Variants in SORCS3 observed in about 807,000 individuals in gnomAD.
The protein encoded by SORCS3 is VPS10 domain-containing receptor SorCS3.
A neutral mutation model predicts 146.3 loss-of-function variants in SORCS3; 57 were observed. The observed-to-expected ratio is 0.39, with a 90% confidence interval of 0.31 to 0.49. SORCS3 has a LOEUF of 0.49. Ranked by LOEUF, SORCS3 falls within the 20% of genes least tolerant of loss-of-function variation. SORCS3 has a pLI of 0.92. For synonymous variants in SORCS3, 653 were observed against 618.5 expected, an observed-to-expected ratio of 1.06 and a Z score of -0.83; for missense variants, 1,341 against 1,575.5, an observed-to-expected ratio of 0.85 and a Z score of 2.52.
intron 3 of SORCS3, among the ~76,000 whole-genome samples, chr10:104,952,686 T>C (rs1368872798): frequency 6.6e-6 from 1 of 152,206 alleles, no homozygotes; most frequent in African/African-American, 2.4e-5. Flanking sequence ...TTCCTTTCTA[T>C]ATCCCTGCTC....
At chr10:105,023,597 G>A (rs560547126) in intron 4 of SORCS3, among the ~76,000 whole-genome samples, 1 of 152,282 alleles carries the variant, frequency 6.6e-6, no homozygotes, top group African/African-American at 2.4e-5. Flanking sequence ...GTCGCAGGCT[G>A]TGCACCATGC....
At chr10:104,720,916 C>T (rs1435326085) in intron 1 of SORCS3, among the ~76,000 whole-genome samples, 1 of 152,094 alleles carries the variant, frequency 6.6e-6, no homozygotes, top group Non-Finnish European at 1.5e-5. Flanking sequence ...TTTTCTCCCA[C>T]TCTGTAGGTT....
In SORCS3 at chr10:105,103,421, A is replaced by G. The variant is rs1334626383; in HGVS notation, c.1094-1976A>G. 3.9e-5 allele frequency among the ~76,000 whole-genome samples: 6 copies of G among 152,216 alleles called. No homozygotes were observed. In the South Asian group the frequency reaches 8.3e-4, roughly 21 times the overall value. Reference sequence around the variant, plus strand: ...AGTGGTTGTTTTGAGGCTGGGAGGTATTAGCCCAGGCTTAGGCTTTAGAGA... The same window carrying G: ...AGTGGTTGTTTTGAGGCTGGGAGGTGTTAGCCCAGGCTTAGGCTTTAGAGA... On this transcript the variant is annotated intron_variant, in intron 6 of 26. Transcript: ENST00000369701.
chr10:104,700,320 A>G (rs1589463532), intron 1 of SORCS3, among the ~76,000 whole-genome samples: 2 of 152,226 alleles, frequency 1.3e-5, no homozygotes, highest in Non-Finnish European at 2.9e-5. Flanking sequence ...AGAGAGGCTC[A>G]GTGTGGTTAT....
intron 1 of SORCS3, among the ~76,000 whole-genome samples, chr10:104,721,108 C>T (rs985437429): frequency 4.6e-5 from 7 of 152,014 alleles, no homozygotes; most frequent in South Asian, 4.1e-4. Flanking sequence ...TGATGGTTTT[C>T]GGTCTAACAT....
At chr10:105,214,288 G>GTCT (rs2056651637) in intron 17 of SORCS3, among the ~76,000 whole-genome samples, 154 bp from the exon 18 acceptor site, 1 of 152,104 alleles carries the variant, frequency 6.6e-6, no homozygotes, top group Non-Finnish European at 1.5e-5. Context: ...GTAAATGACT[G>GTCT]TCTTTTTGAG....
chr10:104,864,303 A>C (rs1263192091), intron 2 of SORCS3, among the ~76,000 whole-genome samples: 1 of 152,124 alleles, frequency 6.6e-6, no homozygotes, highest in Non-Finnish European at 1.5e-5. Context: ...GGGAGAGCTT[A>C]GTGTTATTGC....
chr10:105,048,252 C>A (rs2055387567), intron 5 of SORCS3, among the ~76,000 whole-genome samples: 1 of 150,528 alleles, frequency 6.6e-6, no homozygotes, highest in Non-Finnish European at 1.5e-5. Context: ...TATTGCGGCA[C>A]TATTCACAAT....
intron 5 of SORCS3, among the ~76,000 whole-genome samples, chr10:105,064,423 T>G (rs1057013535): frequency 2.0e-5 from 3 of 152,084 alleles, no homozygotes; most frequent in Non-Finnish European, 2.9e-5. Flanking sequence ...GGGAATTTAT[T>G]AGGGGAATTG....
intron 19 of SORCS3, among the ~76,000 whole-genome samples, chr10:105,221,197 C>A (rs2056700389): frequency 6.6e-6 from 1 of 152,144 alleles, no homozygotes; most frequent in African/African-American, 2.4e-5. Context: ...GCATCCATCC[C>A]CCTCAAGCAT....
At chr10:104,997,445 C>A (rs1283380718) in intron 4 of SORCS3, among the ~76,000 whole-genome samples, 1 of 152,146 alleles carries the variant, frequency 6.6e-6, no homozygotes, top group Non-Finnish European at 1.5e-5. Flanking sequence ...ACATTTCCAT[C>A]AATAATCTGA....
chr10:104,749,733 C>A (rs987681967), intron 1 of SORCS3, among the ~76,000 whole-genome samples: 5 of 152,134 alleles, frequency 3.3e-5, no homozygotes, highest in Admixed American at 2.6e-4. Flanking sequence ...AAAGCCAGTG[C>A]AATGGACAGG....
At chr10:105,231,290 C>A (rs576524076) in intron 20 of SORCS3, among the ~76,000 whole-genome samples, 49 of 152,280 alleles carry the variant, frequency 3.2e-4, no homozygotes, top group Non-Finnish European at 6.5e-4. Flanking sequence ...TCCTTGGTAT[C>A]GTGTTTTTAA....
At chr10:105,082,153 A>C (rs1248565342) in intron 5 of SORCS3, among the ~76,000 whole-genome samples, 4 of 152,234 alleles carry the variant, frequency 2.6e-5, no homozygotes, top group African/African-American at 9.6e-5. Context: ...AACTCAGTAC[A>C]AAGATTTCTC....
intron 9 of SORCS3, among the ~76,000 whole-genome samples, chr10:105,148,792 A>T (rs951224403): frequency 2.0e-5 from 3 of 152,060 alleles, no homozygotes; most frequent in African/African-American, 7.2e-5. Flanking sequence ...TGCCTGTCAA[A>T]ATCCCAGCAG....
rs137910668 is a variant in SORCS3 at position 105,091,901 on chromosome 10, G to T, written c.1093+2062G>T. Among the ~76,000 whole-genome samples the T allele has an allele frequency of 2.4e-3, 367 of 152,234 alleles. 1 individual carries two copies. Among genetic ancestry groups the T allele is most frequent in the Middle Eastern group, 0.01 (3 of 294 alleles). ...AGTTTTCAGGACAACTCTCGCATGG[G>T]TTTTGCCTCCTAAGTCAACCTGTTT... On this transcript the variant is annotated intron_variant, in intron 6 of 26. Coordinates refer to ENST00000369701, the MANE Select transcript of SORCS3 (RefSeq NM_014978.3).
intron 1 of SORCS3, among the ~76,000 whole-genome samples, chr10:104,784,683 G>A (rs987001331): frequency 2.0e-5 from 3 of 152,180 alleles, no homozygotes; most frequent in Non-Finnish European, 4.4e-5. Context: ...AGTGCAGAGC[G>A]TCTGGAATCA....
At chr10:104,722,149 C>T (rs1455750020) in intron 1 of SORCS3, among the ~76,000 whole-genome samples, 2 of 152,132 alleles carry the variant, frequency 1.3e-5, no homozygotes, top group Admixed American at 6.5e-5. Flanking sequence ...GGAGATTCAT[C>T]CCATCAATAC....
At chr10:104,814,013 C>T (rs2017769314) in intron 1 of SORCS3, among the ~76,000 whole-genome samples, 1 of 148,974 alleles carries the variant, frequency 6.7e-6, no homozygotes, top group Non-Finnish European at 1.5e-5. Context: ...ATTCCAGAGT[C>T]ACTTTGCAAC....
Sources: allele counts gnomAD v4.1 joint callset (sites outside exome capture counted in the v4.1 genomes callset), GRCh38; gene constraint gnomAD v4.1.1; transcripts MANE v1.5; gene names NCBI Gene and HGNC (gene_info 2026-07-23, HGNC 2026-07-21).